The following PRKAR2A variants were observed in gnomAD, a reference collection of about 807,000 sequenced individuals.
PRKAR2A encodes protein kinase cAMP-dependent type II regulatory subunit alpha.
In PRKAR2A, 29 loss-of-function variants were observed where a neutral mutation model predicts 51.9. The observed-to-expected ratio is 0.56, with a 90% CI of 0.42 to 0.76. The LOEUF is 0.76. Among genes scored for constraint, PRKAR2A ranks in the 30% least tolerant of loss-of-function variants. The pLI is 0.00. For synonymous variants in PRKAR2A, 178 were observed against 186.2 expected, an observed-to-expected ratio of 0.96 and a Z score of 0.36; for missense variants, 445 against 512.1, an observed-to-expected ratio of 0.87 and a Z score of 1.26.
intron 2 of PRKAR2A, among the ~76,000 whole-genome samples, chr3:48,806,826 C>T (rs2082681505): frequency 1.3e-5 from 2 of 151,668 alleles, no homozygotes; most frequent in South Asian, 4.2e-4. Context: ...GGCTGGAGTG[C>T]AGTAGCGTGA....
chr3:48,768,556 G>C (rs1360761885), intron 6 of PRKAR2A, among the ~76,000 whole-genome samples: 1 of 151,074 alleles, frequency 6.6e-6, no homozygotes, highest in Admixed American at 6.6e-5. Flanking sequence ...AAATTAGCTG[G>C]GCATGGTGGT....
At chr3:48,767,611 G>A (rs1207513324) in intron 6 of PRKAR2A, among the ~76,000 whole-genome samples, 1 of 151,952 alleles carries the variant, frequency 6.6e-6, no homozygotes, top group African/African-American at 2.4e-5. Context: ...GCAACACAAT[G>A]AGACCTCAAC....
intron 8 of PRKAR2A, among the ~76,000 whole-genome samples, chr3:48,764,736 C>T (rs765383324): frequency 2.0e-5 from 3 of 152,038 alleles, no homozygotes; most frequent in Non-Finnish European, 2.9e-5. Flanking sequence ...GCAATTCTCC[C>T]GCCTCAGCCT....
chr3:48,829,249 A>G (rs1022283423), intron 1 of PRKAR2A, among the ~76,000 whole-genome samples: 1 of 151,404 alleles, frequency 6.6e-6, no homozygotes, highest in Non-Finnish European at 1.5e-5. Context: ...CTGGGCGCAG[A>G]GGCTCACGCC....
chr3:48,824,983 A>G (rs2083035887), intron 1 of PRKAR2A, among the ~76,000 whole-genome samples: 1 of 151,056 alleles, frequency 6.6e-6, no homozygotes, highest in East Asian at 2.0e-4. Flanking sequence ...GAACTCAAAC[A>G]TATCAAATAT....
At chr3:48,789,881 T>C (rs1228156690) in intron 4 of PRKAR2A, among the ~76,000 whole-genome samples, 1 of 151,908 alleles carries the variant, frequency 6.6e-6, no homozygotes, top group Non-Finnish European at 1.5e-5. Flanking sequence ...TTTCTTCCTT[T>C]TCTTTCTCTC....
chr3:48,842,239 C>T (rs1407180707), intron 1 of PRKAR2A, among the ~76,000 whole-genome samples: 1 of 152,100 alleles, frequency 6.6e-6, no homozygotes, highest in Non-Finnish European at 1.5e-5. Flanking sequence ...TATAAGAATG[C>T]TTGTGATTTT....
At chr3:48,765,179 C>T (rs2081922807) in intron 7 of PRKAR2A, 69 bp downstream of exon 7, 3 of 1,549,794 alleles carry the variant, frequency 1.9e-6, no homozygotes, top group Non-Finnish European at 2.7e-6. Flanking sequence ...ATTTGAAAAC[C>T]TAACAACAGA....
At chr3:48,789,384 C>T (rs756037111) in intron 4 of PRKAR2A, among the ~76,000 whole-genome samples, 16 of 152,236 alleles carry the variant, frequency 1.1e-4, no homozygotes, top group Middle Eastern at 3.4e-3. Flanking sequence ...GTACTTAACA[C>T]GCACTGTGGC....
chr3:48,772,560 G>A (rs2082044432), intron 6 of PRKAR2A, among the ~76,000 whole-genome samples: 1 of 151,968 alleles, frequency 6.6e-6, no homozygotes, highest in African/African-American at 2.4e-5. Flanking sequence ...TTCAATCATT[G>A]AGTCCCCAAG....
At chr3:48,829,251 G>T (rs1189442198) in intron 1 of PRKAR2A, among the ~76,000 whole-genome samples, 1 of 151,662 alleles carries the variant, frequency 6.6e-6, no homozygotes, top group Non-Finnish European at 1.5e-5. Context: ...GGGCGCAGAG[G>T]CTCACGCCTG....
At chr3:48,753,686 A>G (rs935907803) in intron 9 of PRKAR2A, among the ~76,000 whole-genome samples, 1 of 152,300 alleles carries the variant, frequency 6.6e-6, no homozygotes, top group African/African-American at 2.4e-5. Flanking sequence ...CGCAATGCAC[A>G]TTCTGATTCA....
chr3:48,758,816 T>C (rs2081816654), intron 8 of PRKAR2A, among the ~76,000 whole-genome samples: 1 of 152,166 alleles, frequency 6.6e-6, no homozygotes, highest in Admixed American at 6.6e-5. Flanking sequence ...TAGGTACTAT[T>C]ACTATCCAAT....
chr3:48,764,032 A>T (rs975493765), intron 8 of PRKAR2A, among the ~76,000 whole-genome samples: 2 of 152,088 alleles, frequency 1.3e-5, no homozygotes, highest in African/African-American at 4.8e-5. Flanking sequence ...AACTCCACCC[A>T]CAGGACCCAC....
In PRKAR2A at chr3:48,756,462, T is replaced by A; in HGVS notation, c.874-18A>T. The A allele has an allele frequency of 6.2e-7, 1 of 1,601,754 alleles. No homozygotes were observed. Among genetic ancestry groups the A allele is most frequent in the Non-Finnish European group, 8.6e-7 (1 of 1,169,076 alleles). On this transcript the variant is annotated intron_variant, in intron 8 of 10. Coordinates refer to ENST00000265563, the MANE Select transcript of PRKAR2A (RefSeq NM_004157.4). ...TTTTCACCCTGAAAGAAAAGAGAGG[T>A]CAGGTCAGAGCCATAAGTAGTATTG...
intron 3 of PRKAR2A, among the ~76,000 whole-genome samples, chr3:48,791,103 G>A (rs1393016787): frequency 2.0e-5 from 3 of 151,286 alleles, no homozygotes; most frequent in East Asian, 2.0e-4. Context: ...CTTGGCCAAC[G>A]TGGTAAAACC....
intron 2 of PRKAR2A, among the ~76,000 whole-genome samples, chr3:48,807,063 G>A (rs1467141730): frequency 3.3e-5 from 5 of 152,014 alleles, no homozygotes; most frequent in Admixed American, 2.0e-4. Flanking sequence ...GAGCCACCGC[G>A]CCTGGACAGC....
rs575602134 is a variant in PRKAR2A, at chr3:48,809,436, CA to C, written c.263-1753del. 3.1e-3 allele frequency among the ~76,000 whole-genome samples: 459 copies of C among 146,052 alleles called. 4 individuals carry two copies. The highest frequency in any genetic ancestry group is 0.01 in the African/African-American group (407 of 39,828). ...TGAAACCCTGTCTCTACTAAAAATA[CA>C]AAAAAAAAATTAGCTGGGCGTGGTG... On this transcript the variant is annotated intron_variant, in intron 1 of 10. Transcript: ENST00000265563.
chr3:48,831,885 T>C (rs1397513198), intron 1 of PRKAR2A, among the ~76,000 whole-genome samples: 3 of 152,180 alleles, frequency 2.0e-5, no homozygotes, highest in African/African-American at 4.8e-5. Context: ...TCCAAAGTGC[T>C]GGGATTACGG....
Sources: allele counts gnomAD v4.1 joint callset (sites outside exome capture counted in the v4.1 genomes callset), GRCh38; gene constraint gnomAD v4.1.1; transcripts MANE v1.5; gene names NCBI Gene and HGNC (gene_info 2026-07-23, HGNC 2026-07-21).